The following MAP3K19 variants were observed in gnomAD, a reference collection of about 807,000 sequenced individuals.
MAP3K19 encodes SPS1/STE20-related protein kinase YSK4.
Under a neutral mutation model 114.4 loss-of-function variants are expected in MAP3K19, and 91 were observed. That is an observed-to-expected ratio of 0.80 (90% CI 0.67 to 0.95). The LOEUF (loss-of-function observed/expected upper bound fraction) is 0.95. MAP3K19 is among the 40% of genes least tolerant of loss of function. The pLI is 0.00. For synonymous variants in MAP3K19, 518 were observed against 530.5 expected (o/e 0.98, Z 0.32); for missense variants, 1,471 against 1,573.2 (o/e 0.94, Z 1.10).
At chr2:135,038,276 TG>T (rs904647940) in intron 2 of MAP3K19, among the ~76,000 whole-genome samples, 1 of 151,984 alleles carries the variant, frequency 6.6e-6, no homozygotes, top group African/African-American at 2.4e-5. Context: ...TATACATATG[TG>T]TATGTATATA....
chr2:134,995,437 G>A (rs1345447620), intron 8 of MAP3K19, among the ~76,000 whole-genome samples: 2 of 152,172 alleles, frequency 1.3e-5, no homozygotes, highest in African/African-American at 2.4e-5. Flanking sequence ...TCAGATGGGC[G>A]GCTGGGCAGT....
chr2:135,040,980 A>G (rs999752425), intron 1 of MAP3K19, among the ~76,000 whole-genome samples: 1 of 152,136 alleles, frequency 6.6e-6, no homozygotes, highest in African/African-American at 2.4e-5. Context: ...CCTCTTCAGA[A>G]GGTTGGTAAG....
intron 2 of MAP3K19, among the ~76,000 whole-genome samples, chr2:135,039,452 T>C (rs1452474499): frequency 6.6e-6 from 1 of 151,028 alleles, no homozygotes; most frequent in Non-Finnish European, 1.5e-5. Context: ...CATGGTGGTA[T>C]GCGTCTGTAA....
At chr2:134,983,164 G>A (rs760995617) in intron 11 of MAP3K19, 1 of 530,680 alleles carries the variant, frequency 1.9e-6, no homozygotes, top group Admixed American at 1.9e-5. Flanking sequence ...CTATCTGACT[G>A]TATGTTTGTA....
At chr2:135,022,072 T>C (rs914283425) in intron 4 of MAP3K19, among the ~76,000 whole-genome samples, 2 of 152,012 alleles carry the variant, frequency 1.3e-5, no homozygotes, top group Admixed American at 6.6e-5. Flanking sequence ...TGCTATTACA[T>C]AAGGACAAAA....
chr2:135,043,216 T>A (rs1688680228), intron 1 of MAP3K19, among the ~76,000 whole-genome samples: 1 of 152,122 alleles, frequency 6.6e-6, no homozygotes, highest in Non-Finnish European at 1.5e-5. Flanking sequence ...GGCAGGTGAT[T>A]CCTTTTACAG....
At chr2:134,970,370 A>C (rs1310743764) in intron 12 of MAP3K19, among the ~76,000 whole-genome samples, 1 of 151,994 alleles carries the variant, frequency 6.6e-6, no homozygotes, top group Non-Finnish European at 1.5e-5. Context: ...TTTTGTAGCC[A>C]TTTTAAATGG....
intron 2 of MAP3K19, among the ~76,000 whole-genome samples, chr2:135,040,021 A>G (rs1295204443): frequency 6.6e-6 from 1 of 152,202 alleles, no homozygotes; most frequent in Admixed American, 6.5e-5. Context: ...TTGTTAGAGC[A>G]AAGCATAAAT....
intron 12 of MAP3K19, among the ~76,000 whole-genome samples, chr2:134,974,208 T>A (rs1183339458): frequency 6.6e-6 from 1 of 151,914 alleles, no homozygotes; most frequent in Admixed American, 6.6e-5. Flanking sequence ...TCCATGTTGG[T>A]CAGGCTGGTC....
intron 5 of MAP3K19, among the ~76,000 whole-genome samples, chr2:135,008,724 T>TTTAA (rs201392553): frequency 3.3e-5 from 5 of 152,242 alleles, no homozygotes; most frequent in African/African-American, 4.8e-5. Context: ...TTCCTTTTCA[T>TTTAA]TTAATTAATT....
chr2:134,967,934 A>G (rs12469021), intron 12 of MAP3K19, among the ~76,000 whole-genome samples: 109 of 151,554 alleles, frequency 7.2e-4, no homozygotes, highest in South Asian at 2.3e-3. Context: ...TCATAGGACA[A>G]TAGTGGAGGG....
chr2:135,005,587 T>TACAAA, intron 5 of MAP3K19, 56 bp from the exon 6 acceptor site: 2 of 1,351,808 alleles, frequency 1.5e-6, no homozygotes, highest in Non-Finnish European at 2.1e-6. Context: ...TACCAGTTTG[T>TACAAA]TGGCAGAGTG....
At chr2:134,967,630 T>C (rs1186977884) in intron 12 of MAP3K19, among the ~76,000 whole-genome samples, 1 of 152,174 alleles carries the variant, frequency 6.6e-6, no homozygotes, top group Non-Finnish European at 1.5e-5. Flanking sequence ...CCCTTGAACT[T>C]CCTTATGACT....
intron 10 of MAP3K19, 80 bp from the exon 11 acceptor site, chr2:134,983,905 T>C: frequency 2.0e-6 from 2 of 977,230 alleles, no homozygotes; most frequent in Non-Finnish European, 3.0e-6. Context: ...AGTAAAGTCT[T>C]CTTTTCAAAT....
At position 134,981,047 on chromosome 2, in the gene MAP3K19, A is replaced by G; in HGVS notation, c.3694T>C (p.Tyr1232His). The G allele has an allele frequency of 6.2e-7, 1 of 1,614,216 alleles. No homozygotes were observed. Among genetic ancestry groups the G allele is most frequent in the Non-Finnish European group, 8.5e-7 (1 of 1,180,040 alleles). ...TTGATGACTTCTGGGGCCATCCAATATGGAGTCCCATGCATGGACTTAAGC... is the reference window on the plus strand; with the variant it reads ...TTGATGACTTCTGGGGCCATCCAATGTGGAGTCCCATGCATGGACTTAAGC... Reference protein sequence around the residue: ...DMLKSMHGTPYWMAPEVINES... With the variant: ...DMLKSMHGTPHWMAPEVINES... Residue 1232 changes from tyrosine (Y) to histidine (H), a missense_variant, in exon 12 of 13, where the codon TAT becomes CAT. By Grantham distance (83) the Tyr-to-His change is moderately conservative. Transcript: ENST00000392915.
Position 135,005,386 on chromosome 2 carries a change from A to G in MAP3K19, c.235+49T>C, listed in dbSNP as rs372688056. 1.9e-5 allele frequency: 25 copies of G among 1,349,310 alleles called. No individual in the cohort carries two copies. In the South Asian group the frequency reaches 2.3e-4, roughly 13 times the overall value. 83.6% of individuals were successfully genotyped at this position (1,349,310 alleles called of 1,614,324 possible). A position where few individuals can be genotyped will look rare whatever the true frequency, so the allele number is the denominator to read the frequency against. On this transcript the variant is annotated intron_variant, in intron 6 of 12. Coordinates refer to ENST00000392915, the MANE Select transcript of MAP3K19 (RefSeq NM_025052.5). ...CCCTTCTGAAATTGGAGAGAAGCCC[A>G]TATGATAATGTTATCTTTGTAAACA...
intron 12 of MAP3K19, among the ~76,000 whole-genome samples, chr2:134,979,466 G>A (rs561558142): frequency 6.6e-6 from 1 of 151,956 alleles, no homozygotes; most frequent in Non-Finnish European, 1.5e-5. Flanking sequence ...GTGTGTGTGT[G>A]TGTGTGTGTG....
intron 5 of MAP3K19, among the ~76,000 whole-genome samples, chr2:135,020,862 C>T (rs1687923727): frequency 6.6e-6 from 1 of 152,148 alleles, no homozygotes; most frequent in Admixed American, 6.6e-5. Flanking sequence ...CCTGGGGCCT[C>T]CCCAGCCATG....
chr2:135,021,058 C>T (rs1447157159), intron 5 of MAP3K19, among the ~76,000 whole-genome samples: 1 of 152,088 alleles, frequency 6.6e-6, no homozygotes, highest in Admixed American at 6.6e-5. Context: ...TCAGCTGAAA[C>T]AATATTCTGT....
Sources: gnomAD v4.1 joint callset for allele counts (sites outside exome capture counted in the v4.1 genomes callset) on GRCh38, gnomAD v4.1.1 for gene constraint, MANE v1.5 for transcripts, NCBI Gene and HGNC (gene_info 2026-07-23, HGNC 2026-07-21) for gene names.